PAX4: variants seen among roughly 807,000 people sequenced by gnomAD.
PAX4 encodes the protein paired box 4, also known as paired box protein Pax-4.
Under a neutral mutation model 40.6 loss-of-function variants are expected in PAX4, and 33 were observed. The ratio of observed to expected loss-of-function variants is 0.81; its 90% CI spans 0.62 to 1.09. The LOEUF is 1.09. PAX4 is among the 50% of genes least tolerant of loss of function. PAX4 has a pLI of 0.00. For missense variants in PAX4, 459 were observed against 442.5 expected, an observed-to-expected ratio of 1.04 and a Z score of -0.33; for synonymous variants, 174 against 170.6, an observed-to-expected ratio of 1.02 and a Z score of -0.16.
chr7:127,612,877 A>C, intron 9 of PAX4, 145 bp downstream of exon 9: 3 of 688,224 alleles, frequency 4.4e-6, no homozygotes, highest in Non-Finnish European at 7.9e-6. Context: ...TGGATAGATG[A>C]ATGGATGAAT....
chr7:127,617,745 C>A (rs978009660), intron 1 of PAX4, among the ~76,000 whole-genome samples: 3 of 152,184 alleles, frequency 2.0e-5, no homozygotes, highest in Admixed American at 6.5e-5. Context: ...AACAGAAACC[C>A]CATTCCCAAT....
chr7:127,615,607 C>G (rs1794712434), intron 3 of PAX4, 76 bp from the exon 4 acceptor site: 2 of 1,608,448 alleles, frequency 1.2e-6, no homozygotes, highest in Admixed American at 1.7e-5. Context: ...TCACTCAGGC[C>G]CCTCCAGCCT....
Position 127,611,171 on chromosome 7 carries a change from C to A in PAX4, c.949G>T (p.Gly317Ter). 6.2e-7 allele frequency: 1 copy of A among 1,605,080 alleles called. No individual in the cohort carries two copies. The stretch of plus-strand genomic sequence containing the variant: ...GAAGGGCAAGGAAGGCAAAGCAGTC[C>A]TGAGTCCAGGGAATTCGGCTGTGGG... Reference protein sequence around the residue: ...LPPQPNSLDSGLLCLPCPSSH... With the variant: ...LPPQPNSLDS The change falls in exon 12 of 12, where the codon GGA becomes TGA. Residue 317 changes from glycine to a stop codon, truncating the protein, a stop_gained. Transcript: ENST00000639438. LOFTEE classifies it low-confidence loss of function (END_TRUNC).
intron 3 of PAX4, 161 bp downstream of exon 3, chr7:127,615,755 G>C (rs899530102): frequency 3.2e-5 from 48 of 1,500,714 alleles, no homozygotes; most frequent in African/African-American, 4.2e-5. Flanking sequence ...CAACTCTCCT[G>C]ATCTAAGGGA....
rs762823646 is a variant in PAX4, at chr7:127,610,907, G to T, written c.*157C>A. Reference sequence around the variant, plus strand: ...ACCAGCCCCTCCAATCAGGTGATGCGCCAGAGAGGCATCGAGGCAGGGCCA... The same window carrying T: ...ACCAGCCCCTCCAATCAGGTGATGCTCCAGAGAGGCATCGAGGCAGGGCCA... On this transcript the variant is annotated 3_prime_UTR_variant, in exon 12 of 12. Coordinates refer to ENST00000639438, the MANE Select transcript of PAX4 (RefSeq NM_001366110.1). The T allele has an allele frequency of 6.5e-7, 1 of 1,544,976 alleles. No individual in the cohort carries two copies. Among genetic ancestry groups the T allele is most frequent in the Non-Finnish European group, 8.7e-7 (1 of 1,146,956 alleles).
rs771306071 is a variant in PAX4 at position 127,614,871 on chromosome 7, G to A, written c.360+9C>T. 2.5e-6 allele frequency: 4 copies of A among 1,613,388 alleles called. No homozygotes were observed. Among genetic ancestry groups the A allele is most frequent in the African/African-American group, 2.7e-5 (2 of 74,892 alleles). ...TCCAGCCCCAGTGTGGGGAGGGAAG[G>A]GTACTTACACTGGGAGTCTTGTCCT... On this transcript the variant is annotated intron_variant, in intron 5 of 11. Transcript: ENST00000639438.
chr7:127,615,920 C>T lies in PAX4; in HGVS notation c.9G>A (p.Gln3=), dbSNP rs1372901563. ...CACTTCCCCCAGGCTCCTCACCGTC[C>T]TGATGCATGCTCCAGGCTGACCCTC... MH[Q]DGISSMNQLG... Residue 3 remains glutamine (Q), a synonymous_variant, in exon 3 of 12, where the codon CAG becomes CAA. Coordinates refer to ENST00000639438, the MANE Select transcript of PAX4 (RefSeq NM_001366110.1). The T allele has an allele frequency of 2.0e-6, 3 of 1,536,162 alleles. No homozygotes were observed. The highest frequency in any genetic ancestry group is 1.7e-6 in the Non-Finnish European group (2 of 1,146,930).
chr7:127,616,972 C>T (rs952935959), intron 2 of PAX4, among the ~76,000 whole-genome samples: 1 of 152,134 alleles, frequency 6.6e-6, no homozygotes, highest in Non-Finnish European at 1.5e-5. Flanking sequence ...TGCCTGGAAC[C>T]CTGGTAGTGC....
At position 127,615,019 on chromosome 7, in the gene PAX4, C is replaced by G; in HGVS notation, c.221G>C (p.Gly74Ala). The change falls in exon 5 of 12, where the codon GGA becomes GCA. Residue 74 changes from glycine (G) to alanine (A), a missense_variant. By Grantham distance (60) the Gly-to-Ala change is moderately conservative. Coordinates refer to ENST00000639438, the MANE Select transcript of PAX4 (RefSeq NM_001366110.1). ...GGGTGTAGCCAGCCGTGGCTTGCTT[C>G]CCCCAATGCCCTTTGGCTCCAAGAC... ...TGVLEPKGIG[G>A]SKPRLATPPV... The G allele has an allele frequency of 6.2e-7, 1 of 1,614,198 alleles. No individual in the cohort carries two copies. Among genetic ancestry groups the G allele is most frequent in the Non-Finnish European group, 8.5e-7 (1 of 1,180,040 alleles).
chr7:127,614,788 T>C (rs1794696581), intron 5 of PAX4, 92 bp downstream of exon 5: 1 of 1,522,128 alleles, frequency 6.6e-7, no homozygotes, highest in Admixed American at 2.0e-5. Context: ...GTCACCAGCT[T>C]GGGATGCCCA....
intron 4 of PAX4, 121 bp downstream of exon 4, chr7:127,615,280 G>C: frequency 6.2e-7 from 1 of 1,604,990 alleles, no homozygotes; most frequent in Non-Finnish European, 8.5e-7. Flanking sequence ...GGATCTCCCA[G>C]GAAGTGACCC....
At chr7:127,612,619 A>C (rs1189695572) in intron 9 of PAX4, among the ~76,000 whole-genome samples, 1 of 146,342 alleles carries the variant, frequency 6.8e-6, no homozygotes, top group East Asian at 2.4e-4. Context: ...AGATGGATGC[A>C]TGGATAGATG....
In PAX4 at chr7:127,615,076, C is replaced by T; in HGVS notation, c.164G>A (p.Ser55Asn). 2 of 1,614,186 alleles carry T rather than the reference C, an allele frequency of 1.2e-6. No homozygotes were observed. Among genetic ancestry groups the T allele is most frequent in the Admixed American group, 1.7e-5 (1 of 60,028 alleles). ...RILKVSNGCV[S>N]KILGRYYRTG... is the part of the protein sequence containing the mutation. The stretch of plus-strand genomic sequence containing the variant: ...GCGGTAGTAACGCCCTAGGATCTTG[C>T]TCACACAGCCATTAGATACCTGAGT... Residue 55 changes from serine to asparagine, a missense_variant, in exon 5 of 12, where the codon AGC becomes AAC. Physicochemically the swap from Ser to Asn is conservative, Grantham distance 46 (BLOSUM62 1). Transcript: ENST00000639438.
intron 6 of PAX4, 62 bp downstream of exon 6, chr7:127,614,420 G>A: frequency 7.6e-7 from 1 of 1,313,464 alleles, no homozygotes; most frequent in Non-Finnish European, 1.1e-6. Flanking sequence ...AAAGGGCTTT[G>A]AGAACTATAA....
rs375106423 is a variant in PAX4 at position 127,610,570 on chromosome 7, T to TGTGC, written c.*493_*494insGCAC. ...CAGTGTGTGTGTGTGTGTGTGTGTG[T>TGTGC]GCGCGCACGCATGCACGCATACATA... On this transcript the variant is annotated 3_prime_UTR_variant, in exon 12 of 12. Transcript: ENST00000639438. 9.7e-3 allele frequency: 3,109 copies of TGTGC among 320,680 alleles called. 68 individuals carry two copies. The highest frequency in any genetic ancestry group is 0.051 in the African/African-American group (2,260 of 44,608). 19.9% of individuals were successfully genotyped at this position (320,680 alleles called of 1,614,324 possible).
At chr7:127,614,280 A>G (rs1794686052) in intron 6 of PAX4, among the ~76,000 whole-genome samples, 1 of 152,104 alleles carries the variant, frequency 6.6e-6, no homozygotes, top group Non-Finnish European at 1.5e-5. Flanking sequence ...CCTGCCATCA[A>G]CTAGGTGGTG....
In PAX4 at chr7:127,611,132, G is replaced by A; in HGVS notation, c.988C>T (p.Leu330=). The A allele has an allele frequency of 6.2e-7, 1 of 1,606,854 alleles. No homozygotes were observed. Among genetic ancestry groups the A allele is most frequent in the South Asian group, 1.1e-5 (1 of 89,554 alleles). The change falls in exon 12 of 12, where the codon CTG becomes TTG. Residue 330 remains leucine, a synonymous_variant. Coordinates refer to ENST00000639438, the MANE Select transcript of PAX4 (RefSeq NM_001366110.1). ...CLPCPSSHCH[L]ASLSGSQALL... is the part of the protein sequence containing the mutation. ...GCCTGAGAGCCACTAAGACTGGCCA[G>A]GTGACAGTGGGAGGAAGGGCAAGGA...
At chr7:127,614,657 C>T in intron 5 of PAX4, 100 bp from the exon 6 acceptor site, 1 of 1,178,896 alleles carries the variant, frequency 8.5e-7, no homozygotes. Context: ...CTGTCTCCAC[C>T]TACACATTGT....
intron 5 of PAX4, 55 bp downstream of exon 5, chr7:127,614,825 T>C: frequency 6.3e-7 from 1 of 1,580,320 alleles, no homozygotes; most frequent in South Asian, 1.1e-5. Context: ...AGGTTCTTTG[T>C]CTCCCCCAGA....
Sources: allele counts gnomAD v4.1 joint callset (sites outside exome capture counted in the v4.1 genomes callset), GRCh38; gene constraint gnomAD v4.1.1; transcripts MANE v1.5; gene names NCBI Gene and HGNC (gene_info 2026-07-23, HGNC 2026-07-21).